DHRSX: variants seen among roughly 807,000 people sequenced by gnomAD.
The protein encoded by DHRSX is polyprenol dehydrogenase.
In DHRSX, 31 loss-of-function variants were observed where a neutral mutation model predicts 34.0. That is an observed-to-expected ratio of 0.91 (90% CI 0.69 to 1.23). The LOEUF (loss-of-function observed/expected upper bound fraction) is 1.23, where lower values mean the gene tolerates loss of function less well. Ranked by LOEUF, DHRSX falls within the 50% of genes most tolerant of loss-of-function variation. The probability of loss-of-function intolerance (pLI) is 0.00; values close to 1 mark genes in which losing one functional copy is unlikely to be tolerated. For synonymous variants in DHRSX, 201 were observed against 183.8 expected, an observed-to-expected ratio of 1.09 and a Z score of -0.76; for missense variants, 414 against 428.1, an observed-to-expected ratio of 0.97 and a Z score of 0.29.
chrX:2,269,036 G>C (rs1453861409), intron 4 of DHRSX, among the ~76,000 whole-genome samples: 2 of 152,272 alleles, frequency 1.3e-5, no homozygotes, highest in East Asian at 3.9e-4. Flanking sequence ...GATATTTGTA[G>C]ATCTATTTCT....
intron 1 of DHRSX, among the ~76,000 whole-genome samples, chrX:2,432,047 T>C (rs1017423700): frequency 6.7e-4 from 102 of 151,952 alleles, no homozygotes; most frequent in East Asian, 3.9e-4. Context: ...AAAATTTAGC[T>C]GGGCGTGGTG....
intron 3 of DHRSX, among the ~76,000 whole-genome samples, chrX:2,303,876 GGTGGATGGATGGATGGATGGATAA>G (rs1302508462): frequency 7.2e-5 from 10 of 138,976 alleles, no homozygotes; most frequent in African/African-American, 1.2e-4. Flanking sequence ...TGGGTGGATG[GGTGGATGGATGGATGGATGGATAA>G]ATGGATGGAT....
At chrX:2,318,194 A>G (rs2042263356) in intron 3 of DHRSX, among the ~76,000 whole-genome samples, 1 of 95,372 alleles carries the variant, frequency 1.0e-5, no homozygotes, top group African/African-American at 3.9e-5. Flanking sequence ...AAAATACAGA[A>G]AAAAAAAAAA....
chrX:2,461,466 C>T (rs970948087), intron 1 of DHRSX, among the ~76,000 whole-genome samples: 1 of 152,252 alleles, frequency 6.6e-6, no homozygotes, highest in East Asian at 1.9e-4. Context: ...AACCTACTAG[C>T]TCACGTAAAT....
chrX:2,497,391 C>A (rs2045311621), intron 1 of DHRSX, among the ~76,000 whole-genome samples: 1 of 152,080 alleles, frequency 6.6e-6, no homozygotes, highest in African/African-American at 2.4e-5. Context: ...GAAACTTGGT[C>A]TCAAGAAAAA....
At chrX:2,305,221 G>A (rs765907485) in intron 3 of DHRSX, among the ~76,000 whole-genome samples, 3 of 152,054 alleles carry the variant, frequency 2.0e-5, no homozygotes, top group African/African-American at 4.8e-5. Context: ...GGGTCAGGGA[G>A]GGGGAGAGCA....
intron 1 of DHRSX, among the ~76,000 whole-genome samples, chrX:2,467,426 G>A (rs897460799): frequency 1.3e-5 from 2 of 152,152 alleles, no homozygotes; most frequent in Admixed American, 6.6e-5. Context: ...CCTCAGGAAC[G>A]CGGCACAGTC....
intron 2 of DHRSX, among the ~76,000 whole-genome samples, chrX:2,423,805 G>A (rs983480815): frequency 2.0e-5 from 3 of 152,068 alleles, no homozygotes; most frequent in African/African-American, 7.3e-5. Flanking sequence ...CATATTCCCA[G>A]TTGAAGGGAG....
chrX:2,474,161 T>TG (rs373027293), intron 1 of DHRSX, among the ~76,000 whole-genome samples: 53 of 98,300 alleles, frequency 5.4e-4, no homozygotes, highest in African/African-American at 3.3e-3. Context: ...CAGAAGAATG[T>TG]GGCCAAGGGA....
chrX:2,418,586 G>T (rs140308056), intron 2 of DHRSX, among the ~76,000 whole-genome samples: 6 of 152,244 alleles, frequency 3.9e-5, no homozygotes, highest in African/African-American at 1.4e-4. Flanking sequence ...CATTGCACTG[G>T]AGGAGACAAA....
At chrX:2,276,327 G>A (rs1160872585) in intron 4 of DHRSX, among the ~76,000 whole-genome samples, 8 of 152,284 alleles carry the variant, frequency 5.3e-5, no homozygotes, top group East Asian at 1.9e-4. Context: ...ATCGGGTGCC[G>A]TCCACGTTAG....
intron 4 of DHRSX, among the ~76,000 whole-genome samples, chrX:2,274,582 A>G (rs2041599183): frequency 1.4e-5 from 2 of 144,896 alleles, no homozygotes; most frequent in Admixed American, 1.4e-4. Flanking sequence ...ACACCCGGCT[A>G]AACTTTTTTT....
At chrX:2,226,727 G>A (rs2015671321) in intron 6 of DHRSX, among the ~76,000 whole-genome samples, 1 of 151,968 alleles carries the variant, frequency 6.6e-6, no homozygotes, top group Non-Finnish European at 1.5e-5. Flanking sequence ...CCCGGGAGGC[G>A]GGGCTTGCAG....
chrX:2,417,950 C>T (rs1207897766), intron 2 of DHRSX, among the ~76,000 whole-genome samples: 2 of 151,332 alleles, frequency 1.3e-5, no homozygotes, highest in Non-Finnish European at 2.9e-5. Context: ...ACAACCAAAC[C>T]TCATCATGAC....
At chrX:2,251,573 C>T (rs2016434385) in intron 5 of DHRSX, among the ~76,000 whole-genome samples, 2 of 152,120 alleles carry the variant, frequency 1.3e-5, no homozygotes, top group East Asian at 1.9e-4. Context: ...AGCAGTAGGG[C>T]GGACGCATCA....
At chrX:2,237,354 G>C (rs1397558868) in intron 6 of DHRSX, among the ~76,000 whole-genome samples, 1 of 152,022 alleles carries the variant, frequency 6.6e-6, no homozygotes, top group Non-Finnish European at 1.5e-5. Context: ...TGATACGAGT[G>C]GTCTACTTCA....
At chrX:2,291,968 GACC>G (rs2041872511) in intron 3 of DHRSX, among the ~76,000 whole-genome samples, 1 of 137,742 alleles carries the variant, frequency 7.3e-6, no homozygotes, top group African/African-American at 2.8e-5. Flanking sequence ...TCAAACTCTT[GACC>G]TCAGGTGATC....
rs1318842452 is a variant in DHRSX at position 2,371,331 on chromosome X, T to A, written c.286+37414A>T. ...ATAGACCCTCCTCCCGTTACTATAG[T>A]CCCTCCTTCCGTTACCATAGTCCCT... is the stretch of plus-strand genomic sequence containing the variant. On this transcript the variant is annotated intron_variant, in intron 3 of 6. Transcript: ENST00000334651. Among the ~76,000 whole-genome samples the A allele has an allele frequency of 3.4e-5, 5 of 145,884 alleles. No homozygotes were observed. The South Asian group carries it at 8.9e-4, about 26-fold the overall frequency.
In DHRSX at chrX:2,439,532, T is replaced by A. The variant is rs182748319; in HGVS notation, c.110-14228A>T. 5.3e-5 allele frequency among the ~76,000 whole-genome samples: 8 copies of A among 152,302 alleles called. No individual in the cohort carries two copies. In the East Asian group the frequency reaches 1.2e-3, roughly 22 times the overall value. On this transcript the variant is annotated intron_variant, in intron 1 of 6. Coordinates refer to ENST00000334651, the MANE Select transcript of DHRSX (RefSeq NM_145177.3). ...TGGTTTGGGGATGATTGAAGTGCAT[T>A]CTATTTATCATGCACTTTATTTCTA...
Sources: allele counts gnomAD v4.1 joint callset (sites outside exome capture counted in the v4.1 genomes callset), GRCh38; gene constraint gnomAD v4.1.1; transcripts MANE v1.5; gene names NCBI Gene and HGNC (gene_info 2026-07-23, HGNC 2026-07-21).